The following KIAA0319L variants were observed in gnomAD, a reference collection of about 807,000 sequenced individuals.
The protein encoded by KIAA0319L is dyslexia-associated protein KIAA0319-like protein.
In KIAA0319L, 55 loss-of-function variants were observed where a neutral mutation model predicts 120.1. That is an observed-to-expected ratio of 0.46 (90% CI 0.37 to 0.57). KIAA0319L has a LOEUF of 0.57. KIAA0319L is among the 20% of genes least tolerant of loss of function. The pLI, the probability that KIAA0319L is intolerant of heterozygous loss-of-function variation, is 0.00. For missense variants in KIAA0319L, 1,049 were observed against 1,255.3 expected, an observed-to-expected ratio of 0.84 and a Z score of 2.48; for synonymous variants, 398 against 471.9, an observed-to-expected ratio of 0.84 and a Z score of 2.03.
At chr1:35,473,455 A>G (rs1035288979) in intron 5 of KIAA0319L, among the ~76,000 whole-genome samples, 2 of 152,156 alleles carry the variant, frequency 1.3e-5, no homozygotes, top group Non-Finnish European at 2.9e-5. Flanking sequence ...AATGATAGTA[A>G]CCCACAGAAA....
intron 2 of KIAA0319L, among the ~76,000 whole-genome samples, chr1:35,508,210 T>C (rs1240289998): frequency 1.3e-5 from 2 of 152,158 alleles, no homozygotes; most frequent in African/African-American, 2.4e-5. Context: ...TCATAGTGAG[T>C]GTCTCTTTAA....
At chr1:35,510,750 G>GTGAGCATCACTGTGTCTGGC (rs900886316) in intron 2 of KIAA0319L, among the ~76,000 whole-genome samples, 11 of 151,880 alleles carry the variant, frequency 7.2e-5, no homozygotes, top group Non-Finnish European at 1.6e-4. Flanking sequence ...AGGACTACAG[G>GTGAGCATCACTGTGTCTGGC]TGAGCATCAC....
intron 2 of KIAA0319L, among the ~76,000 whole-genome samples, chr1:35,532,625 A>T (rs924052168): frequency 3.3e-5 from 5 of 152,246 alleles, no homozygotes; most frequent in African/African-American, 1.2e-4. Flanking sequence ...TCTAGAAGTA[A>T]CTGGGATAAA....
chr1:35,461,163 GTTGA>G (rs1293316033), intron 8 of KIAA0319L, among the ~76,000 whole-genome samples: 1 of 152,142 alleles, frequency 6.6e-6, no homozygotes, highest in Non-Finnish European at 1.5e-5. Context: ...CATCTTATGT[GTTGA>G]TTAAGAAAAA....
chr1:35,532,079 G>A (rs1292649123), intron 2 of KIAA0319L, among the ~76,000 whole-genome samples: 1 of 152,030 alleles, frequency 6.6e-6, no homozygotes, highest in Non-Finnish European at 1.5e-5. Context: ...TGGCCAACAT[G>A]GTGAAACCCC....
At position 35,448,273 on chromosome 1, in the gene KIAA0319L, C is replaced by T; in HGVS notation, c.2413G>A (p.Glu805Lys). The T allele has an allele frequency of 6.2e-7, 1 of 1,614,058 alleles. No homozygotes were observed. Among genetic ancestry groups the T allele is most frequent in the Non-Finnish European group, 8.5e-7 (1 of 1,179,978 alleles). Residue 805 changes from glutamate to lysine, a missense_variant, in exon 16 of 21, where the codon GAG becomes AAG. Transcript: ENST00000325722. Reference protein sequence around the residue: ...ILDINVSQLTERLKGMFIRQI... With the variant: ...ILDINVSQLTKRLKGMFIRQI... ...CGGATGAACATCCCCTTCAGCCTCT[C>T]AGTTAGCTGACTGACGTTGATATCC...
At position 35,441,063 on chromosome 1, in the gene KIAA0319L, C is replaced by T. The variant is rs1641176771; in HGVS notation, c.2946G>A (p.Lys982=). 3.7e-6 allele frequency: 6 copies of T among 1,614,060 alleles called. No individual in the cohort carries two copies. Among genetic ancestry groups the T allele is most frequent in the Admixed American group, 1.7e-5 (1 of 60,000 alleles). ...DATDQESLEL[K]PTSRAGIKQK... ...GGCCCCTACCTGCTCGGGAGGTTGG[C>T]TTCAGCTCCAGGCTTTCCTGATCCG... Residue 982 remains lysine (K), a synonymous_variant, in exon 20 of 21, where the codon AAG becomes AAA. Transcript: ENST00000325722.
At chr1:35,480,701 G>A (rs1273166729) in intron 3 of KIAA0319L, among the ~76,000 whole-genome samples, 1 of 151,974 alleles carries the variant, frequency 6.6e-6, no homozygotes, top group Non-Finnish European at 1.5e-5. Context: ...AGAATCACTT[G>A]AACCCGAGAG....
chr1:35,462,509 A>T, intron 8 of KIAA0319L, 112 bp downstream of exon 8: 1 of 794,528 alleles, frequency 1.3e-6, no homozygotes, highest in Non-Finnish European at 2.1e-6. Flanking sequence ...GGTCAAGATG[A>T]CTGGCCTAAA....
In KIAA0319L at chr1:35,554,610, G is replaced by A. The variant is rs551086854; in HGVS notation, c.-28-91C>T. 23 of 950,538 alleles carry A rather than the reference G, an allele frequency of 2.4e-5. 1 individual carries two copies. In the South Asian group the frequency reaches 4.0e-4, roughly 16 times the overall value. The allele number at this position is 950,538 out of a possible 1,614,324, so 58.9% of individuals were successfully genotyped here. ...AATGCTAGAAAATATGACAGATTAG[G>A]GGAAAGAAAAATTTCAAGTTTGTCT... On this transcript the variant is annotated intron_variant, in intron 1 of 20. Transcript: ENST00000325722.
At chr1:35,514,338 T>C (rs1225334709) in intron 2 of KIAA0319L, among the ~76,000 whole-genome samples, 1 of 151,016 alleles carries the variant, frequency 6.6e-6, no homozygotes, top group Non-Finnish European at 1.5e-5. Context: ...TTTACTGTGT[T>C]GGAAAGTATC....
At chr1:35,502,553 T>G (rs1392598685) in intron 3 of KIAA0319L, among the ~76,000 whole-genome samples, 2 of 151,996 alleles carry the variant, frequency 1.3e-5, no homozygotes, top group Admixed American at 1.3e-4. Context: ...GCTCCTTGCC[T>G]CCAATAAACT....
intron 3 of KIAA0319L, among the ~76,000 whole-genome samples, chr1:35,490,090 A>G (rs1211274786): frequency 6.6e-6 from 1 of 152,102 alleles, no homozygotes; most frequent in Non-Finnish European, 1.5e-5. Flanking sequence ...CCCCCCAAGT[A>G]GCTTTTTGTA....
intron 4 of KIAA0319L, among the ~76,000 whole-genome samples, chr1:35,477,845 G>A (rs550029797): frequency 9.2e-5 from 14 of 152,130 alleles, no homozygotes; most frequent in Middle Eastern, 3.4e-3. Context: ...CAGTTTGGAG[G>A]TTCCTCAAAA....
chr1:35,527,426 A>G (rs1646191959), intron 2 of KIAA0319L, among the ~76,000 whole-genome samples: 2 of 152,108 alleles, frequency 1.3e-5, no homozygotes, highest in South Asian at 4.1e-4. Flanking sequence ...TCTATGAATT[A>G]GAGAGAGTTT....
chr1:35,503,021 A>G (rs150257212), intron 3 of KIAA0319L, among the ~76,000 whole-genome samples: 13 of 152,264 alleles, frequency 8.5e-5, no homozygotes, highest in South Asian at 2.1e-4. Context: ...CTACCCAGCA[A>G]TATTTCTATT....
chr1:35,499,342 T>C (rs1272831764), intron 3 of KIAA0319L, among the ~76,000 whole-genome samples: 1 of 152,054 alleles, frequency 6.6e-6, no homozygotes, highest in East Asian at 1.9e-4. Flanking sequence ...TTGGAGCCCT[T>C]GTGAATGGGA....
chr1:35,460,289 C>G lies in KIAA0319L; in HGVS notation c.1427+16G>C. The G allele has an allele frequency of 1.2e-6, 2 of 1,606,172 alleles. No individual in the cohort carries two copies. Among genetic ancestry groups the G allele is most frequent in the Non-Finnish European group, 1.7e-6 (2 of 1,177,134 alleles). On this transcript the variant is annotated intron_variant, in intron 9 of 20. Transcript: ENST00000325722. ...AAAATGGCCTATGGTAAACTTGAAG[C>G]TGAATCCTAATTTACCTGAAAGTGT...
At chr1:35,552,237 G>A (rs897645499) in intron 2 of KIAA0319L, among the ~76,000 whole-genome samples, 2 of 152,158 alleles carry the variant, frequency 1.3e-5, no homozygotes, top group Non-Finnish European at 2.9e-5. Context: ...ACCTATTCGG[G>A]AGGCTGACGC....
Sources: gnomAD v4.1 joint callset for allele counts (sites outside exome capture counted in the v4.1 genomes callset) on GRCh38, gnomAD v4.1.1 for gene constraint, MANE v1.5 for transcripts, NCBI Gene and HGNC (gene_info 2026-07-23, HGNC 2026-07-21) for gene names.